Variants in SCG2 observed in about 807,000 individuals in gnomAD.
SCG2 encodes the protein secretogranin II, also known as secretogranin-2.
A neutral mutation model predicts 49.5 loss-of-function variants in SCG2; 23 were observed. The observed-to-expected ratio is 0.46, with a 90% CI of 0.33 to 0.66. The LOEUF (loss-of-function observed/expected upper bound fraction) is 0.66, where lower values mean the gene tolerates loss of function less well. Ranked by LOEUF, SCG2 falls within the 30% of genes least tolerant of loss-of-function variation. SCG2 has a pLI of 0.01. For missense variants in SCG2, 730 were observed against 728.2 expected (o/e 1.00, Z -0.03); for synonymous variants, 288 against 260.4 (o/e 1.11, Z -1.02).
chr2:223,599,025 G>A lies in SCG2; in HGVS notation c.258C>T (p.Val86=), dbSNP rs765345763. The change falls in exon 2 of 2, where the codon GTC becomes GTT. Residue 86 remains valine (V), a synonymous_variant. Coordinates refer to ENST00000305409, the MANE Select transcript of SCG2 (RefSeq NM_003469.5). The stretch of plus-strand genomic sequence containing the variant: ...CGCCATTTTCTTTTTGCTGAAGGGG[G>A]ACAGAGACACCTTGGTAGGGATTAT... ...PDYNPYQGVS[V]PLQQKENGDE... 24 of 1,614,224 alleles carry A rather than the reference G, an allele frequency of 1.5e-5. No homozygotes were observed. The South Asian group carries it at 2.6e-4, about 18-fold the overall frequency.
At chr2:223,599,698 A>G (rs1170615959) in intron 1 of SCG2, among the ~76,000 whole-genome samples, 2 of 152,336 alleles carry the variant, frequency 1.3e-5, no homozygotes, top group East Asian at 3.9e-4. Context: ...CTATTGGCAA[A>G]ATAATGTGTT....
chr2:223,602,317 A>C lies in SCG2; in HGVS notation c.-47T>G, dbSNP rs1264178938. 6.6e-6 allele frequency: 1 copy of C among 152,118 alleles called. No individual in the cohort carries two copies. The highest frequency in any genetic ancestry group is 1.5e-5 in the Non-Finnish European group (1 of 68,018). The allele number at this position is 152,118 out of a possible 1,614,324, so 9.4% of individuals were successfully genotyped here. ...TGTTTATATGGCAGAGGAGCTCCAC[A>C]GCATATTCCTCCCCGTTCTCCGGGC... On this transcript the variant is annotated 5_prime_UTR_variant, in exon 1 of 2. Transcript: ENST00000305409.
Position 223,598,578 on chromosome 2 carries a change from C to T in SCG2, c.705G>A (p.Lys235=). 3 of 1,614,122 alleles carry T rather than the reference C, an allele frequency of 1.9e-6. No homozygotes were observed. The South Asian group carries it at 3.3e-5, about 18-fold the overall frequency. Residue 235 remains lysine (K), a synonymous_variant, in exon 2 of 2, where the codon AAG becomes AAA. Coordinates refer to ENST00000305409, the MANE Select transcript of SCG2 (RefSeq NM_003469.5). ...LYTDDEDDIY[K]ANNIAYEDVV... ...CATCTTCATAGGCAATGTTATTAGC[C>T]TTGTAGATATCATCTTCATCATCCG...
Position 223,597,871 on chromosome 2 carries a change from C to A in SCG2, c.1412G>T (p.Gly471Val). The A allele has an allele frequency of 6.2e-7, 1 of 1,614,144 alleles. No homozygotes were observed. The highest frequency in any genetic ancestry group is 8.5e-7 in the Non-Finnish European group (1 of 1,180,038). The change falls in exon 2 of 2, where the codon GGA becomes GTA. Residue 471 changes from glycine to valine, a missense_variant. Physicochemically the swap from Gly to Val is moderately radical, Grantham distance 109. Coordinates refer to ENST00000305409, the MANE Select transcript of SCG2 (RefSeq NM_003469.5). ...GGGAAGCTGGTTCGATCTAGATCTT[C>A]CAGCACCATAAGGGAGCCTTGGCAG... is the stretch of plus-strand genomic sequence containing the variant. ...KVLPRLPYGA[G>V]RSRSNQLPKA...
In SCG2 at chr2:223,598,642, TG is replaced by T; in HGVS notation, c.640del (p.Gln214ArgfsTer40). On this transcript the variant is annotated frameshift_variant, in exon 2 of 2. Coordinates refer to ENST00000305409, the MANE Select transcript of SCG2 (RefSeq NM_003469.5). LOFTEE classifies it high-confidence loss of function. The part of the protein sequence containing the change: ...ELGKLTGPNN[Q>X]KRERMDEEQK... ...CTCCTCATCCATCCTCTCACGTTTCTGGTTGTTTGGTCCTGTCAGTTTCCCC... is the reference window on the plus strand; with the variant it reads ...CTCCTCATCCATCCTCTCACGTTTCTGTTGTTTGGTCCTGTCAGTTTCCCC... 6.2e-7 allele frequency: 1 copy of T among 1,614,154 alleles called. No homozygotes were observed. Among genetic ancestry groups the T allele is most frequent in the Non-Finnish European group, 8.5e-7 (1 of 1,180,040 alleles).
intron 1 of SCG2, among the ~76,000 whole-genome samples, chr2:223,601,119 C>T (rs1365698992): frequency 6.6e-6 from 1 of 152,224 alleles, no homozygotes; most frequent in African/African-American, 2.4e-5. Context: ...CTACTCATTG[C>T]AGTTGTTTAA....
Position 223,598,069 on chromosome 2 carries a change from A to G in SCG2, c.1214T>C (p.Phe405Ser). The change falls in exon 2 of 2, where the codon TTC becomes TCC. Residue 405 changes from phenylalanine to serine, a missense_variant. Coordinates refer to ENST00000305409, the MANE Select transcript of SCG2 (RefSeq NM_003469.5). ...SEADLDHPDL[F>S]QNRMLSKSGY... is the part of the protein sequence containing the mutation. ...ACTCTTGGAGAGCATCCTATTTTGG[A>G]ACAGGTCTGGATGGTCTAAGTCAGC... 3 of 1,604,796 alleles carry G rather than the reference A, an allele frequency of 1.9e-6. No individual in the cohort carries two copies. The highest frequency in any genetic ancestry group is 2.6e-6 in the Non-Finnish European group (3 of 1,175,544).
chr2:223,598,070 A>T lies in SCG2; in HGVS notation c.1213T>A (p.Phe405Ile), dbSNP rs554361860. The change falls in exon 2 of 2, where the codon TTC becomes ATC. Residue 405 changes from phenylalanine (F) to isoleucine (I), a missense_variant. Transcript: ENST00000305409. ...SEADLDHPDL[F>I]QNRMLSKSGY... ...CTCTTGGAGAGCATCCTATTTTGGA[A>T]CAGGTCTGGATGGTCTAAGTCAGCC... 60 of 1,604,632 alleles carry T rather than the reference A, an allele frequency of 3.7e-5. 1 individual carries two copies. In the South Asian group the frequency reaches 6.5e-4, roughly 17 times the overall value.
chr2:223,598,657 G>A lies in SCG2; in HGVS notation c.626C>T (p.Thr209Ile). 6.2e-7 allele frequency: 1 copy of A among 1,614,014 alleles called. No individual in the cohort carries two copies. Among genetic ancestry groups the A allele is most frequent in the East Asian group, 2.2e-5 (1 of 44,880 alleles). The change falls in exon 2 of 2, where the codon ACA becomes ATA. Residue 209 changes from threonine to isoleucine, a missense_variant. By Grantham distance (89) the Thr-to-Ile change is moderately conservative. Coordinates refer to ENST00000305409, the MANE Select transcript of SCG2 (RefSeq NM_003469.5). ...ESVFQELGKL[T>I]GPNNQKRERM... ...CTCACGTTTCTGGTTGTTTGGTCCT[G>A]TCAGTTTCCCCAGCTCTTGGAAGAC...
rs749414557 is a variant in SCG2 at position 223,598,741 on chromosome 2, C to T, written c.542G>A (p.Arg181His). The change falls in exon 2 of 2, where the codon CGC (arginine) becomes CAC (histidine). Residue 181 changes from arginine (R) to histidine (H), a missense_variant. Transcript: ENST00000305409. ...TTGTTCCTCCACTATTTCATTTGTGCGTTTAAAGGGGTTATCCCTGGAATT... is the reference window on the plus strand; with the variant it reads ...TTGTTCCTCCACTATTTCATTTGTGTGTTTAAAGGGGTTATCCCTGGAATT... ...EENSRDNPFKRTNEIVEEQYT... is the reference protein window; with the variant it reads ...EENSRDNPFKHTNEIVEEQYT... The T allele has an allele frequency of 9.3e-6, 15 of 1,613,662 alleles. No homozygotes were observed. The South Asian group carries it at 1.2e-4, about 13-fold the overall frequency.
rs2106113989 is a variant in SCG2, at chr2:223,598,196, C to T, written c.1087G>A (p.Glu363Lys). 3 of 1,614,158 alleles carry T rather than the reference C, an allele frequency of 1.9e-6. No homozygotes were observed. The East Asian group carries it at 6.7e-5, about 36-fold the overall frequency. ...EISRNLQIPP[E>K]DLIEMLKTGE... ...GTTTTGAGCATCTCAATTAAGTCTT[C>T]TGGGGGTATCTGTAAATTCCTTGAG... Residue 363 changes from glutamate to lysine, a missense_variant, in exon 2 of 2, where the codon GAA becomes AAA. Physicochemically the swap from Glu to Lys is moderately conservative, Grantham distance 56. Transcript: ENST00000305409.
In SCG2 at chr2:223,598,785, G is replaced by A. The variant is rs1368062709; in HGVS notation, c.498C>T (p.Phe166=). ...WPERKLKHMQ[F]PPMYEENSRD... ...TGGAATTCTCTTCATACATAGGAGG[G>A]AATTGCATGTGCTTAAGCTTTCTTT... Residue 166 remains phenylalanine, a synonymous_variant, in exon 2 of 2, where the codon TTC becomes TTT. Transcript: ENST00000305409. 6.2e-7 allele frequency: 1 copy of A among 1,614,016 alleles called. No individual in the cohort carries two copies. The highest frequency in any genetic ancestry group is 2.2e-5 in the East Asian group (1 of 44,882).
chr2:223,601,551 T>G (rs1691390159), intron 1 of SCG2, among the ~76,000 whole-genome samples: 1 of 152,138 alleles, frequency 6.6e-6, no homozygotes, highest in South Asian at 2.1e-4. Flanking sequence ...CAATAACAAT[T>G]TACAAAGTTA....
At chr2:223,600,664 G>C (rs561613357) in intron 1 of SCG2, among the ~76,000 whole-genome samples, 2 of 152,132 alleles carry the variant, frequency 1.3e-5, no homozygotes, top group East Asian at 3.9e-4. Context: ...TTGTTCACAA[G>C]ATCATATTGA....
At position 223,598,229 on chromosome 2, in the gene SCG2, T is replaced by C. The variant is rs369421454; in HGVS notation, c.1054A>G (p.Ile352Val). 1.2e-4 allele frequency: 187 copies of C among 1,614,090 alleles called. No individual in the cohort carries two copies. Among genetic ancestry groups the C allele is most frequent in the Non-Finnish European group, 1.5e-4 (174 of 1,180,038 alleles). Residue 352 changes from isoleucine (I) to valine (V), a missense_variant, in exon 2 of 2, where the codon ATT (isoleucine) becomes GTT (valine). Coordinates refer to ENST00000305409, the MANE Select transcript of SCG2 (RefSeq NM_003469.5). ...PLDSQSIYQL[I>V]EISRNLQIPP... ...ATCTGTAAATTCCTTGAGATTTCAA[T>C]CAGCTGATAAATAGACTGAGAATCA...
chr2:223,597,490 T>C lies in SCG2; in HGVS notation c.1793A>G (p.Asn598Ser). 2 of 1,613,842 alleles carry C rather than the reference T, an allele frequency of 1.2e-6. No individual in the cohort carries two copies. The highest frequency in any genetic ancestry group is 1.7e-6 in the Non-Finnish European group (2 of 1,179,894). Reference protein sequence around the residue: ...DLLMKVLEYLNQEKAEKGREH... With the variant: ...DLLMKVLEYLSQEKAEKGREH... ...CCTTCCCTTTTCTGCCTTTTCTTGG[T>C]TGAGGTATTCCAGCACTTTCATTAA... The change falls in exon 2 of 2, where the codon AAC becomes AGC. Residue 598 changes from asparagine to serine, a missense_variant. By Grantham distance (46) the Asn-to-Ser change is conservative (BLOSUM62 1). Coordinates refer to ENST00000305409, the MANE Select transcript of SCG2 (RefSeq NM_003469.5).
Position 223,598,118 on chromosome 2 carries a change from C to T in SCG2, c.1165G>A (p.Val389Ile). 5 of 1,609,642 alleles carry T rather than the reference C, an allele frequency of 3.1e-6. No individual in the cohort carries two copies. The highest frequency in any genetic ancestry group is 4.2e-6 in the Non-Finnish European group (5 of 1,177,626). The change falls in exon 2 of 2, where the codon GTT (valine) becomes ATT (isoleucine). Residue 389 changes from valine (V) to isoleucine (I), a missense_variant. Val to Ile is a conservative substitution (Grantham distance 29). Coordinates refer to ENST00000305409, the MANE Select transcript of SCG2 (RefSeq NM_003469.5). ...GCCTCTGAGATGTCATCTAGGTCAA[C>T]AGGAAGGTCAAGCTCCCGCTCCGGT... ...VEPERELDLPVDLDDISEADL... is the reference protein window; with the variant it reads ...VEPERELDLPIDLDDISEADL...
rs755866435 is a variant in SCG2 at position 223,598,548 on chromosome 2, G to C, written c.735C>G (p.Val245=). The C allele has an allele frequency of 2.5e-6, 4 of 1,613,628 alleles. No individual in the cohort carries two copies. The South Asian group carries it at 4.4e-5, about 18-fold the overall frequency. ...CTACTGGGTTCCAGTCTTCTCCCCC[G>C]ACCACATCTTCATAGGCAATGTTAT... The part of the protein sequence containing the change: ...KANNIAYEDV[V]GGEDWNPVEE... Residue 245 remains valine, a synonymous_variant, in exon 2 of 2, where the codon GTC becomes GTG. Transcript: ENST00000305409.
In SCG2 at chr2:223,598,413, G is replaced by A; in HGVS notation, c.870C>T (p.Ile290=). The part of the protein sequence containing the change: ...DEMKRSGQLG[I]QEEDLRKESK... ...TCTCTTTCCGAAGATCTTCTTCCTG[G>A]ATGCCAAGCTGCCCTGAGCGTTTCA... The change falls in exon 2 of 2, where the codon ATC becomes ATT. Residue 290 remains isoleucine (I), a synonymous_variant. Transcript: ENST00000305409. 6.2e-7 allele frequency: 1 copy of A among 1,613,946 alleles called. No individual in the cohort carries two copies. The highest frequency in any genetic ancestry group is 8.5e-7 in the Non-Finnish European group (1 of 1,179,992).
Sources: gnomAD v4.1 joint callset for allele counts (sites outside exome capture counted in the v4.1 genomes callset) on GRCh38, gnomAD v4.1.1 for gene constraint, MANE v1.5 for transcripts, NCBI Gene and HGNC (gene_info 2026-07-23, HGNC 2026-07-21) for gene names.